Variants in NTRK3 observed in about 807,000 individuals in gnomAD.
NTRK3 encodes NT-3 growth factor receptor.
NTRK3 carries 24 observed loss-of-function variants against 91.7 expected under a neutral mutation model. The ratio of observed to expected loss-of-function variants is 0.26; its 90% confidence interval spans 0.19 to 0.37. The LOEUF is 0.37. Ranked by LOEUF, NTRK3 falls within the 10% of genes least tolerant of loss-of-function variation. The pLI is 1.00. For missense variants in NTRK3, 880 were observed against 1,068.9 expected, an observed-to-expected ratio of 0.82 and a Z score of 2.46; for synonymous variants, 483 against 404.0, an observed-to-expected ratio of 1.20 and a Z score of -2.34.
At chr15:88,106,958 G>A (rs2050777642) in intron 13 of NTRK3, among the ~76,000 whole-genome samples, 1 of 151,338 alleles carries the variant, frequency 6.6e-6, no homozygotes, top group South Asian at 2.1e-4. Flanking sequence ...AAAAAAGTAT[G>A]GGAATATAGA....
chr15:88,126,931 T>G (rs2053349516), intron 12 of NTRK3, among the ~76,000 whole-genome samples: 1 of 152,172 alleles, frequency 6.6e-6, no homozygotes, highest in Non-Finnish European at 1.5e-5. Flanking sequence ...CCTAACAGAC[T>G]GGGGATTTTC....
chr15:87,872,674 C>G (rs1379878447), exon 19 of NTRK3: 1 of 232,614 alleles, frequency 4.3e-6, no homozygotes, highest in Non-Finnish European at 8.5e-6. Flanking sequence ...GCTTGTCTGC[C>G]TGGCTCCCTG....
chr15:87,905,353 T>C (rs1426918531), intron 17 of NTRK3, among the ~76,000 whole-genome samples: 2 of 152,190 alleles, frequency 1.3e-5, no homozygotes, highest in Non-Finnish European at 2.9e-5. Context: ...ATTCTTTACT[T>C]TGTTGTAGCA....
Position 88,255,846 on chromosome 15 carries a change from G to A in NTRK3, c.248+60C>T. Reference sequence around the variant, plus strand: ...GGAGGGCCGGCTCCCGGCCGCGGGTGGGCAGGAGGGAGACGCAGAGCGCGG... The same window carrying A: ...GGAGGGCCGGCTCCCGGCCGCGGGTAGGCAGGAGGGAGACGCAGAGCGCGG... On this transcript the variant is annotated intron_variant, in intron 3 of 18. Transcript: ENST00000394480. This position sits in a 1 kb window ranked among gnomAD's most constrained non-coding sequence, Gnocchi z 4.3. 6.7e-7 allele frequency: 1 copy of A among 1,493,410 alleles called. No individual in the cohort carries two copies. Among genetic ancestry groups the A allele is most frequent in the Non-Finnish European group, 9.0e-7 (1 of 1,106,174 alleles). The allele number at this position is 1,493,410 out of a possible 1,614,324, so 92.5% of individuals were successfully genotyped here.
At chr15:88,162,451 G>C (rs141618674) in intron 5 of NTRK3, among the ~76,000 whole-genome samples, 20 of 152,166 alleles carry the variant, frequency 1.3e-4, no homozygotes, top group Non-Finnish European at 2.5e-4. Context: ...GAATGAACGG[G>C]GGATCAGCCA....
At chr15:87,979,070 T>G in intron 14 of NTRK3, 3 of 538,084 alleles carry the variant, frequency 5.6e-6, no homozygotes, top group Non-Finnish European at 6.6e-6. Flanking sequence ...GGTTTTTAAT[T>G]CTCTTTATTG....
At chr15:88,158,007 C>T (rs75948177) in intron 5 of NTRK3, among the ~76,000 whole-genome samples, 5 of 152,170 alleles carry the variant, frequency 3.3e-5, no homozygotes, top group African/African-American at 1.2e-4. Flanking sequence ...GCCTTTGGCA[C>T]CTCACGGGCC....
chr15:88,200,645 T>G (rs1374778603), intron 3 of NTRK3, among the ~76,000 whole-genome samples: 1 of 152,238 alleles, frequency 6.6e-6, no homozygotes, highest in Non-Finnish European at 1.5e-5. Flanking sequence ...AGGATGTTTT[T>G]GCTTCCCCTT....
rs937802398 is a variant in NTRK3 at position 88,056,942 on chromosome 15, G to A, written c.1397-23897C>T. Reference sequence around the variant, plus strand: ...TCCCAGCACTTTGGGAGGCCGAGACGGGCGGATCACGAGGTCAGGAGATCG... The same window carrying A: ...TCCCAGCACTTTGGGAGGCCGAGACAGGCGGATCACGAGGTCAGGAGATCG... On this transcript the variant is annotated intron_variant, in intron 13 of 18. Coordinates refer to ENST00000394480, the Ensembl canonical transcript of NTRK3. Among the ~76,000 whole-genome samples, 13 of 152,052 alleles carry A rather than the reference G, an allele frequency of 8.5e-5. No individual in the cohort carries two copies. The South Asian group carries it at 1.0e-3, about 12-fold the overall frequency.
Position 87,877,136 on chromosome 15 carries a change from G to A in NTRK3, c.2293-16C>T, listed in dbSNP as rs756935462. ...ACTCAATGACCTGAAAGAGTGAGAA[G>A]AACAAGGAAGTTACACCCAAAGCTC... On this transcript the variant is annotated splice_polypyrimidine_tract_variant and intron_variant, in intron 18 of 18. Coordinates refer to ENST00000394480, the Ensembl canonical transcript of NTRK3. The A allele has an allele frequency of 1.1e-5, 17 of 1,613,206 alleles. No homozygotes were observed. The highest frequency in any genetic ancestry group is 1.4e-5 in the Non-Finnish European group (17 of 1,179,744).
At chr15:88,052,699 G>C (rs2045334729) in intron 13 of NTRK3, among the ~76,000 whole-genome samples, 1 of 152,154 alleles carries the variant, frequency 6.6e-6, no homozygotes, top group Non-Finnish European at 1.5e-5. Flanking sequence ...TGAGAAATGA[G>C]ATGGAAAGTG....
At chr15:87,865,861 T>A (rs2064658618) in exon 19 of NTRK3, 1 of 228,670 alleles carries the variant, frequency 4.4e-6, no homozygotes, top group African/African-American at 2.2e-5. Context: ...GCATTCTCCA[T>A]CACTAGATAC....
chr15:87,985,464 A>G (rs1237039733), intron 14 of NTRK3, among the ~76,000 whole-genome samples: 1 of 152,240 alleles, frequency 6.6e-6, no homozygotes, highest in Non-Finnish European at 1.5e-5. Flanking sequence ...ATTGAAAGGT[A>G]CTTAGAACCA....
chr15:87,888,721 A>G (rs925972683), intron 17 of NTRK3, among the ~76,000 whole-genome samples: 2 of 152,188 alleles, frequency 1.3e-5, no homozygotes, highest in Admixed American at 6.5e-5. Flanking sequence ...AAAAAATTAT[A>G]CTTATGTCCC....
chr15:87,859,798 C>T, exon 19 of NTRK3: 1 of 177,244 alleles, frequency 5.6e-6, no homozygotes, highest in East Asian at 9.5e-5. Context: ...TAAACTATGT[C>T]AGGAGGATAC....
chr15:87,899,831 G>A (rs2066345490), intron 17 of NTRK3, among the ~76,000 whole-genome samples: 1 of 152,102 alleles, frequency 6.6e-6, no homozygotes, highest in Admixed American at 6.6e-5. Flanking sequence ...CTCTGAGCTG[G>A]AGCTGAATTT....
At chr15:87,874,825 T>A in exon 19 of NTRK3, 1 of 231,556 alleles carries the variant, frequency 4.3e-6, no homozygotes, top group Non-Finnish European at 8.5e-6. Flanking sequence ...GGAGTAATTG[T>A]CATAGGACAG....
chr15:88,254,557 T>C (rs965712910), intron 3 of NTRK3, among the ~76,000 whole-genome samples: 3 of 152,090 alleles, frequency 2.0e-5, no homozygotes, highest in African/African-American at 7.2e-5. Context: ...GAAGCTCCAT[T>C]AAGCCGAGAG....
intron 7 of NTRK3, 71 bp downstream of exon 7, chr15:88,137,333 G>A (rs781710198): frequency 2.8e-5 from 44 of 1,572,866 alleles, no homozygotes; most frequent in African/African-American, 1.5e-4. Context: ...CCAAGGTAAC[G>A]TCCAGCACCA....
Sources: allele counts gnomAD v4.1 joint callset (sites outside exome capture counted in the v4.1 genomes callset), GRCh38; gene constraint gnomAD v4.1.1; non-coding constraint Gnocchi (gnomAD v3.1); transcripts MANE v1.5; gene names NCBI Gene and HGNC (gene_info 2026-07-23, HGNC 2026-07-21).